Variants in FHIP1A observed in about 807,000 individuals in gnomAD.
The protein encoded by FHIP1A is FHF complex subunit HOOK-interacting protein 1A.
In FHIP1A, 61 loss-of-function variants were observed where a neutral mutation model predicts 88.6. That is an observed-to-expected ratio of 0.69 (90% CI 0.56 to 0.85). FHIP1A has a LOEUF of 0.85. Ranked by LOEUF, FHIP1A falls within the 40% of genes least tolerant of loss-of-function variation. The pLI, the probability that FHIP1A is intolerant of heterozygous loss-of-function variation, is 0.00. For synonymous variants in FHIP1A, 478 were observed against 496.0 expected (o/e 0.96, Z 0.48); for missense variants, 1,154 against 1,273.5 (o/e 0.91, Z 1.43).
intron 3 of FHIP1A, among the ~76,000 whole-genome samples, chr4:151,560,001 A>G (rs1215671636): frequency 1.3e-5 from 2 of 152,194 alleles, no homozygotes; most frequent in African/African-American, 2.4e-5. Flanking sequence ...CCATGAATGC[A>G]TCTTTAAAGT....
At chr4:151,519,664 A>T (rs972962102) in intron 3 of FHIP1A, among the ~76,000 whole-genome samples, 1 of 152,150 alleles carries the variant, frequency 6.6e-6, no homozygotes, top group Admixed American at 6.6e-5. Flanking sequence ...TCTTTTGGGT[A>T]AATACCCAGG....
At chr4:151,584,837 C>T (rs1323825320) in intron 5 of FHIP1A, among the ~76,000 whole-genome samples, 1 of 152,086 alleles carries the variant, frequency 6.6e-6, no homozygotes, top group African/African-American at 2.4e-5. Flanking sequence ...GCTGTTTTCT[C>T]TGCTTGGAAT....
intron 7 of FHIP1A, among the ~76,000 whole-genome samples, chr4:151,620,476 A>T (rs955278457): frequency 1.3e-5 from 2 of 152,220 alleles, no homozygotes; most frequent in African/African-American, 4.8e-5. Context: ...CGTCTTAAGC[A>T]TTTGACCCTG....
chr4:151,415,946 T>TG (rs1203748704), intron 1 of FHIP1A, among the ~76,000 whole-genome samples: 8 of 149,600 alleles, frequency 5.3e-5, no homozygotes. Context: ...AGCATAGTGT[T>TG]TTTTTTTTTT....
intron 1 of FHIP1A, among the ~76,000 whole-genome samples, chr4:151,433,621 G>A (rs574729962): frequency 1.3e-5 from 2 of 152,152 alleles, no homozygotes; most frequent in African/African-American, 2.4e-5. Flanking sequence ...TTAACTAAGG[G>A]CATGGGAGTG....
At chr4:151,606,896 G>A (rs1053460076) in intron 7 of FHIP1A, among the ~76,000 whole-genome samples, 11 of 152,174 alleles carry the variant, frequency 7.2e-5, no homozygotes, top group African/African-American at 2.7e-4. Context: ...AAGAAGTTAG[G>A]GGGATTCCAA....
chr4:151,465,371 CA>C (rs1729274157), intron 2 of FHIP1A, among the ~76,000 whole-genome samples: 1 of 152,098 alleles, frequency 6.6e-6, no homozygotes, highest in South Asian at 2.1e-4. Flanking sequence ...GAAATTGAGG[CA>C]GTAATTAATA....
chr4:151,483,405 T>C (rs1209084136), intron 3 of FHIP1A, among the ~76,000 whole-genome samples: 1 of 152,026 alleles, frequency 6.6e-6, no homozygotes, highest in Non-Finnish European at 1.5e-5. Flanking sequence ...CTGAAACTAG[T>C]GTATCAAAAT....
At chr4:151,422,736 G>T (rs11099815) in intron 1 of FHIP1A, among the ~76,000 whole-genome samples, 78,996 of 151,834 alleles carry the variant, frequency 0.52, 20,844 homozygotes, top group African/African-American at 0.55. Context: ...CTGAAAAACT[G>T]GTTGCCCCAA....
At chr4:151,478,370 A>G (rs1223149629) in intron 2 of FHIP1A, among the ~76,000 whole-genome samples, 2 of 152,184 alleles carry the variant, frequency 1.3e-5, no homozygotes, top group South Asian at 2.1e-4. Flanking sequence ...AAAAATCTAC[A>G]TGTAGCACAT....
At chr4:151,475,948 G>A (rs912457706) in intron 2 of FHIP1A, among the ~76,000 whole-genome samples, 7 of 148,230 alleles carry the variant, frequency 4.7e-5, no homozygotes, top group Non-Finnish European at 1.0e-4. Flanking sequence ...TGCAGCCTCC[G>A]CCTCCCGTGT....
At chr4:151,442,187 C>G (rs1221275206) in intron 1 of FHIP1A, among the ~76,000 whole-genome samples, 2 of 152,050 alleles carry the variant, frequency 1.3e-5, no homozygotes, top group East Asian at 3.9e-4. Context: ...GATTATGTGC[C>G]GCGTGGCTGA....
At chr4:151,435,816 A>G (rs1024330618) in intron 1 of FHIP1A, among the ~76,000 whole-genome samples, 7 of 151,906 alleles carry the variant, frequency 4.6e-5, no homozygotes, top group African/African-American at 1.7e-4. Flanking sequence ...TCTAAATGGT[A>G]TAAAAAATCT....
chr4:151,409,758 T>C (rs1423450215), intron 1 of FHIP1A, among the ~76,000 whole-genome samples: 1 of 152,062 alleles, frequency 6.6e-6, no homozygotes, highest in African/African-American at 2.4e-5. Context: ...CAGCTTGTTT[T>C]GACGAAGGAA....
intron 7 of FHIP1A, among the ~76,000 whole-genome samples, chr4:151,598,636 T>C (rs1401864853): frequency 6.6e-6 from 1 of 152,238 alleles, no homozygotes; most frequent in Non-Finnish European, 1.5e-5. Flanking sequence ...GGTGAACCTA[T>C]TCTCTCTGTC....
intron 1 of FHIP1A, among the ~76,000 whole-genome samples, chr4:151,413,092 CAT>C (rs1215291575): frequency 6.6e-6 from 1 of 152,118 alleles, no homozygotes; most frequent in African/African-American, 2.4e-5. Flanking sequence ...ACACATGTAA[CAT>C]ATAGTCTGTA....
intron 3 of FHIP1A, among the ~76,000 whole-genome samples, chr4:151,485,586 T>C (rs2126639720): frequency 6.6e-6 from 1 of 150,794 alleles, no homozygotes; most frequent in South Asian, 2.1e-4. Context: ...AGGGTGGAGC[T>C]CAGAGTTTTT....
At chr4:151,608,865 A>G (rs1234058518) in intron 7 of FHIP1A, among the ~76,000 whole-genome samples, 3 of 152,224 alleles carry the variant, frequency 2.0e-5, no homozygotes, top group Admixed American at 6.5e-5. Flanking sequence ...AATATTTCAT[A>G]TAACTTAAGA....
chr4:151,462,120 C>T (rs1019883373), intron 2 of FHIP1A, among the ~76,000 whole-genome samples: 3 of 152,144 alleles, frequency 2.0e-5, no homozygotes, highest in Non-Finnish European at 4.4e-5. Context: ...GTGATCATAC[C>T]ACTGTACTCC....
Sources: allele counts gnomAD v4.1 joint callset (sites outside exome capture counted in the v4.1 genomes callset), GRCh38; gene constraint gnomAD v4.1.1; transcripts MANE v1.5; gene names NCBI Gene and HGNC (gene_info 2026-07-23, HGNC 2026-07-21).